Variants in SHISA9 observed in about 807,000 individuals in gnomAD.
The protein encoded by SHISA9 is shisa family member 9.
Under a neutral mutation model 38.0 loss-of-function variants are expected in SHISA9, and 13 were observed. The ratio of observed to expected loss-of-function variants is 0.34; its 90% CI spans 0.22 to 0.54. SHISA9 has a LOEUF of 0.54. SHISA9 is among the 20% of genes least tolerant of loss of function. SHISA9 has a pLI of 0.91. For missense variants in SHISA9, 538 were observed against 575.8 expected, an observed-to-expected ratio of 0.93 and a Z score of 0.67; for synonymous variants, 275 against 242.0, an observed-to-expected ratio of 1.14 and a Z score of -1.27.
At chr16:13,316,948 C>T in the SHISA9 span, among the ~76,000 whole-genome samples, 4 of 152,196 alleles carry the variant, frequency 2.6e-5, no homozygotes, top group African/African-American at 9.7e-5. Flanking sequence ...GTTCTCTGTG[C>T]ATTTAAGGAA....
rs189574971 is a variant in SHISA9 at position 13,033,419 on chromosome 16, T to C, written c.691+116604T>C. Among the ~76,000 whole-genome samples the C allele has an allele frequency of 1.2e-4, 19 of 152,342 alleles. No homozygotes were observed. The East Asian group carries it at 3.3e-3, about 26-fold the overall frequency. On this transcript the variant is annotated intron_variant, in intron 2 of 4. Coordinates refer to ENST00000558583, the MANE Select transcript of SHISA9 (RefSeq NM_001145204.3). ...TGGAAGCCATTTAGATTCTATTTCC[T>C]ACTCTGTGCTTCATTTCTTTCTTTT...
At chr16:13,092,473 C>T (rs2073784832) in intron 2 of SHISA9, among the ~76,000 whole-genome samples, 1 of 152,200 alleles carries the variant, frequency 6.6e-6, no homozygotes, top group Admixed American at 6.5e-5. Flanking sequence ...GTGGTGGGCT[C>T]CGTCCAGTTC....
At chr16:13,374,867 G>A in the SHISA9 span, among the ~76,000 whole-genome samples, 2 of 152,222 alleles carry the variant, frequency 1.3e-5, no homozygotes, top group South Asian at 4.1e-4. Flanking sequence ...TCTAACTGGT[G>A]TGAGATGGTA....
chr16:13,481,016 A>C, the SHISA9 span, among the ~76,000 whole-genome samples: 1 of 152,226 alleles, frequency 6.6e-6, no homozygotes, highest in African/African-American at 2.4e-5. Context: ...GAACCACCCT[A>C]ATCTTACTCA....
chr16:12,904,703 C>T (rs566675195), intron 1 of SHISA9, among the ~76,000 whole-genome samples: 3 of 152,074 alleles, frequency 2.0e-5, no homozygotes, highest in African/African-American at 7.2e-5. Context: ...TGCATACTCC[C>T]GAAAAGAGAG....
the SHISA9 span, among the ~76,000 whole-genome samples, chr16:13,467,097 T>G: frequency 6.6e-6 from 1 of 152,216 alleles, no homozygotes; most frequent in Non-Finnish European, 1.5e-5. Context: ...TAATGTTTTA[T>G]GTGTTGACTT....
At chr16:13,449,463 G>A in the SHISA9 span, among the ~76,000 whole-genome samples, 3 of 152,274 alleles carry the variant, frequency 2.0e-5, no homozygotes, top group East Asian at 5.8e-4. Context: ...GGAAGCTATT[G>A]ATTGGAAAGG....
At chr16:13,019,932 T>G (rs1326379237) in intron 2 of SHISA9, among the ~76,000 whole-genome samples, 1 of 90,496 alleles carries the variant, frequency 1.1e-5, no homozygotes, top group Non-Finnish European at 2.5e-5. Context: ...TCTTTCTTTC[T>G]TTCTTTCTTT....
the SHISA9 span, among the ~76,000 whole-genome samples, chr16:13,353,794 G>C: frequency 6.6e-6 from 1 of 152,138 alleles, no homozygotes; most frequent in East Asian, 1.9e-4. Context: ...AAGACCTTTA[G>C]TCCATTCTAC....
the SHISA9 span, among the ~76,000 whole-genome samples, chr16:13,446,028 C>T: frequency 5.3e-5 from 8 of 152,038 alleles, no homozygotes; most frequent in South Asian, 2.1e-4. Context: ...CCGCAGCCTC[C>T]GACTCCCTGG....
At chr16:13,069,176 C>G (rs1472357022) in intron 2 of SHISA9, among the ~76,000 whole-genome samples, 1 of 141,762 alleles carries the variant, frequency 7.1e-6, no homozygotes, top group Non-Finnish European at 1.5e-5. Flanking sequence ...TGTGTACATG[C>G]AATGTGTATA....
At chr16:13,155,589 G>T (rs1450535089) in intron 2 of SHISA9, among the ~76,000 whole-genome samples, 1 of 151,186 alleles carries the variant, frequency 6.6e-6, no homozygotes, top group Non-Finnish European at 1.5e-5. Context: ...TTGTGTGTGT[G>T]GTGTGTGTGT....
chr16:12,953,034 C>T (rs1171823406), intron 2 of SHISA9, among the ~76,000 whole-genome samples: 3 of 151,836 alleles, frequency 2.0e-5, no homozygotes, highest in Non-Finnish European at 4.4e-5. Flanking sequence ...GTAAAGTATG[C>T]AACTTCAGGA....
the SHISA9 span, among the ~76,000 whole-genome samples, chr16:13,380,716 G>A: frequency 6.6e-6 from 1 of 152,192 alleles, no homozygotes; most frequent in African/African-American, 2.4e-5. Flanking sequence ...TACATTTGCA[G>A]AATGTACAGT....
At chr16:13,375,023 A>G in the SHISA9 span, among the ~76,000 whole-genome samples, 1 of 151,562 alleles carries the variant, frequency 6.6e-6, no homozygotes, top group African/African-American at 2.4e-5. Context: ...GGGTTGTTTG[A>G]TTTTTTCTCG....
At chr16:13,088,881 C>A (rs1009889339) in intron 2 of SHISA9, among the ~76,000 whole-genome samples, 1 of 152,190 alleles carries the variant, frequency 6.6e-6, no homozygotes, top group South Asian at 2.1e-4. Context: ...GCATTCTTGC[C>A]TTGTGCCAGT....
intron 4 of SHISA9, among the ~76,000 whole-genome samples, chr16:13,227,176 A>T (rs2051287649): frequency 6.6e-6 from 1 of 152,130 alleles, no homozygotes; most frequent in Non-Finnish European, 1.5e-5. Context: ...TTCGTATTTC[A>T]AGTGTCCAGC....
At chr16:13,496,075 T>C in the SHISA9 span, among the ~76,000 whole-genome samples, 29 of 152,158 alleles carry the variant, frequency 1.9e-4, no homozygotes, top group Non-Finnish European at 3.8e-4. Flanking sequence ...GTAATGCAAA[T>C]AGATACACTA....
chr16:12,974,492 T>G (rs2072129215), intron 2 of SHISA9, among the ~76,000 whole-genome samples: 1 of 138,372 alleles, frequency 7.2e-6, no homozygotes, highest in East Asian at 2.0e-4. Context: ...TTTTTTTTTT[T>G]TTTTTTTTTT....
Sources: allele counts gnomAD v4.1 joint callset (sites outside exome capture counted in the v4.1 genomes callset), GRCh38; gene constraint gnomAD v4.1.1; transcripts MANE v1.5; gene names NCBI Gene and HGNC (gene_info 2026-07-23, HGNC 2026-07-21).